CMTM4: variants seen among roughly 807,000 people sequenced by gnomAD.
CMTM4 encodes the protein CKLF like MARVEL transmembrane domain containing 4, also known as CKLF-like MARVEL transmembrane domain-containing protein 4.
Under a neutral mutation model 19.0 loss-of-function variants are expected in CMTM4, and 8 were observed. That is an observed-to-expected ratio of 0.42 (90% CI 0.25 to 0.76). The LOEUF (loss-of-function observed/expected upper bound fraction) is 0.76, where lower values mean the gene tolerates loss of function less well. Among genes scored for constraint, CMTM4 ranks in the 30% least tolerant of loss-of-function variants. The probability of loss-of-function intolerance (pLI) is 0.27; values close to 1 mark genes in which losing one functional copy is unlikely to be tolerated. For missense variants in CMTM4, 228 were observed against 290.2 expected, an observed-to-expected ratio of 0.79 and a Z score of 1.56; for synonymous variants, 106 against 121.1, an observed-to-expected ratio of 0.88 and a Z score of 0.82.
chr16:66,604,713 T>A, the CMTM4 span: 1 of 1,012,934 alleles, frequency 9.9e-7, no homozygotes, highest in Non-Finnish European at 1.3e-6. Flanking sequence ...CAGTGTCGCC[T>A]GCCCTCCTTC....
chr16:66,675,122 C>A (rs551361865), intron 1 of CMTM4, among the ~76,000 whole-genome samples: 12 of 150,862 alleles, frequency 8.0e-5, no homozygotes, highest in African/African-American at 2.9e-4. Context: ...ACTCTGTTGG[C>A]CAGGCTGGAG....
At chr16:66,677,439 C>T (rs2016829065) in intron 1 of CMTM4, among the ~76,000 whole-genome samples, 1 of 152,240 alleles carries the variant, frequency 6.6e-6, no homozygotes, top group Non-Finnish European at 1.5e-5. Context: ...GGAACAAGAG[C>T]TTCCAGCCAG....
At chr16:66,605,234 C>A in the CMTM4 span, 1 of 309,788 alleles carries the variant, frequency 3.2e-6, no homozygotes, top group Non-Finnish European at 5.9e-6. The surrounding 1 kb of genome is among the most constrained non-coding windows in gnomAD (Gnocchi z 4.6). Context: ...GATGTGGGTC[C>A]TGCTGTGTGA....
At chr16:66,694,852 C>G (rs2017202886) in intron 1 of CMTM4, among the ~76,000 whole-genome samples, 1 of 151,716 alleles carries the variant, frequency 6.6e-6, no homozygotes, top group Non-Finnish European at 1.5e-5. Context: ...ATTTAAAATT[C>G]TGAAGACAGA....
rs1458703500 is a variant in CMTM4 at position 66,619,827 on chromosome 16, G to C, written c.*2231C>G. ...GCACAAAGGATATTAAATAGTTACA[G>C]GGACATAAATAATTCTGAAGAGTCT... On this transcript the variant is annotated 3_prime_UTR_variant, in exon 4 of 4. Coordinates refer to ENST00000394106, the MANE Select transcript of CMTM4 (RefSeq NM_181521.3). 2 of 985,232 alleles carry C rather than the reference G, an allele frequency of 2.0e-6. No individual in the cohort carries two copies. Among genetic ancestry groups the C allele is most frequent in the Non-Finnish European group, 2.4e-6 (2 of 829,928 alleles). 61.0% of individuals were successfully genotyped at this position (985,232 alleles called of 1,614,324 possible).
Position 66,617,559 on chromosome 16 carries a change from T to C in CMTM4, c.*4499A>G. The C allele has an allele frequency of 7.5e-7, 1 of 1,327,962 alleles. No individual in the cohort carries two copies. 82.3% of individuals were successfully genotyped at this position (1,327,962 alleles called of 1,614,324 possible). A position where few individuals can be genotyped will look rare whatever the true frequency, so the allele number is the denominator to read the frequency against. The stretch of plus-strand genomic sequence containing the variant: ...AGAAAATTTTTCTAGACCTAACAGA[T>C]ATTGACGGTATTTTCTCTCACAGTT... On this transcript the variant is annotated 3_prime_UTR_variant, in exon 4 of 4. Transcript: ENST00000394106.
At chr16:66,614,526 T>C (rs2015489565), downstream of CMTM4, among the ~76,000 whole-genome samples, 1 of 152,004 alleles carries the variant, frequency 6.6e-6, no homozygotes, top group South Asian at 2.1e-4. The surrounding 1 kb of genome is among the most constrained non-coding windows in gnomAD (Gnocchi z 4.9). Context: ...GTGCTGAAAA[T>C]GGGTAAGAAA....
At chr16:66,604,874 G>C in the CMTM4 span, 1 of 1,412,604 alleles carries the variant, frequency 7.1e-7, no homozygotes, top group Non-Finnish European at 9.2e-7. Flanking sequence ...CCGGCCCCGC[G>C]GTCCCCGGGC....
rs1441620895 is a variant in CMTM4 at position 66,617,566 on chromosome 16, G to A, written c.*4492C>T. 3.4e-5 allele frequency: 44 copies of A among 1,303,204 alleles called. No homozygotes were observed. Among genetic ancestry groups the A allele is most frequent in the South Asian group, 9.9e-5 (5 of 50,564 alleles). The allele number at this position is 1,303,204 out of a possible 1,614,324, so 80.7% of individuals were successfully genotyped here. A position where few individuals can be genotyped will look rare whatever the true frequency, so the allele number is the denominator to read the frequency against. On this transcript the variant is annotated 3_prime_UTR_variant, in exon 4 of 4. Transcript: ENST00000394106. The stretch of plus-strand genomic sequence containing the variant: ...TTTTCTAGACCTAACAGATATTGAC[G>A]GTATTTTCTCTCACAGTTTCTAAAT...
At position 66,620,062 on chromosome 16, in the gene CMTM4, T is replaced by C. The variant is rs75901413; in HGVS notation, c.*1996A>G. On this transcript the variant is annotated 3_prime_UTR_variant, in exon 4 of 4. Coordinates refer to ENST00000394106, the MANE Select transcript of CMTM4 (RefSeq NM_181521.3). ...GGAAAACTTGGGCAACAAGCCCACC[T>C]GAATGGTGTTCTTGTTTTCAATCTC... 3,598 of 985,444 alleles carry C rather than the reference T, an allele frequency of 3.7e-3. 20 individuals are homozygous for C. Among genetic ancestry groups the C allele is most frequent in the Non-Finnish European group, 3.6e-3 (2,985 of 829,928 alleles). The allele number at this position is 985,444 out of a possible 1,614,324, so 61.0% of individuals were successfully genotyped here.
intron 1 of CMTM4, among the ~76,000 whole-genome samples, chr16:66,667,825 T>C (rs2016627694): frequency 6.6e-6 from 1 of 151,934 alleles, no homozygotes; most frequent in Non-Finnish European, 1.5e-5. Flanking sequence ...GAGGCAGAGG[T>C]TGCAGTGAGC....
Position 66,620,549 on chromosome 16 carries a change from TCCATAAGGTGAC to T in CMTM4, c.*1497_*1508del, listed in dbSNP as rs2015611804. 3.0e-6 allele frequency: 3 copies of T among 985,468 alleles called. No individual in the cohort carries two copies. The South Asian group carries it at 1.4e-4, about 46-fold the overall frequency. The allele number at this position is 985,468 out of a possible 1,614,324, so 61.0% of individuals were successfully genotyped here. ...TTTCTGGGGAATGAGACGCCACATGTCCATAAGGTGACGCTTTCTTGCACAGACCCCCCGCCG... is the reference window on the plus strand; with the variant it reads ...TTTCTGGGGAATGAGACGCCACATGTGCTTTCTTGCACAGACCCCCCGCCG... On this transcript the variant is annotated 3_prime_UTR_variant, in exon 4 of 4. Coordinates refer to ENST00000394106, the MANE Select transcript of CMTM4 (RefSeq NM_181521.3).
intron 1 of CMTM4, among the ~76,000 whole-genome samples, chr16:66,644,927 C>T (rs2016163646): frequency 6.6e-6 from 1 of 152,322 alleles, no homozygotes; most frequent in African/African-American, 2.4e-5. Flanking sequence ...CAAATCAGGC[C>T]ATTTTCCACA....
At chr16:66,646,328 T>C (rs541443081) in intron 1 of CMTM4, among the ~76,000 whole-genome samples, 3 of 152,316 alleles carry the variant, frequency 2.0e-5, no homozygotes, top group Non-Finnish European at 4.4e-5. Context: ...ACTCCTGTCG[T>C]GTTTGAATAT....
At chr16:66,612,395 A>C (rs967716158), downstream of CMTM4, among the ~76,000 whole-genome samples, 31 of 152,026 alleles carry the variant, frequency 2.0e-4, no homozygotes, top group Admixed American at 1.8e-3. This position sits in a 1 kb window ranked among gnomAD's most constrained non-coding sequence, Gnocchi z 6.0. Context: ...ACAACAACAA[A>C]AAAAAAAGAG....
chr16:66,648,018 G>A (rs1010587007), intron 1 of CMTM4, among the ~76,000 whole-genome samples: 5 of 152,238 alleles, frequency 3.3e-5, no homozygotes, highest in African/African-American at 2.4e-5. Flanking sequence ...GGTTGTAGGA[G>A]TCATTAATGC....
intron 1 of CMTM4, among the ~76,000 whole-genome samples, chr16:66,659,917 T>A (rs1448176670): frequency 2.6e-5 from 4 of 152,096 alleles, no homozygotes; most frequent in Non-Finnish European, 5.9e-5. Flanking sequence ...TTAAATTTTT[T>A]AAAAATGTTG....
chr16:66,630,867 G>C (rs1235983929), intron 2 of CMTM4, among the ~76,000 whole-genome samples: 3 of 150,498 alleles, frequency 2.0e-5, no homozygotes, highest in East Asian at 2.0e-4. Flanking sequence ...GTCTCTGCCC[G>C]GCCGCCCATC....
intron 2 of CMTM4, among the ~76,000 whole-genome samples, chr16:66,626,294 AC>A (rs1190208520): frequency 6.6e-6 from 1 of 151,942 alleles, no homozygotes; most frequent in Non-Finnish European, 1.5e-5. Context: ...AATTAGCTGG[AC>A]CCCGTCTCTA....
Sources: allele counts gnomAD v4.1 joint callset (sites outside exome capture counted in the v4.1 genomes callset), GRCh38; gene constraint gnomAD v4.1.1; non-coding constraint Gnocchi (gnomAD v3.1); transcripts MANE v1.5; gene names NCBI Gene and HGNC (gene_info 2026-07-23, HGNC 2026-07-21).